Variants in CHST11 observed in about 807,000 individuals in gnomAD.
The protein encoded by CHST11 is carbohydrate sulfotransferase 11.
A neutral mutation model predicts 30.4 loss-of-function variants in CHST11; 9 were observed. The observed-to-expected ratio is 0.30, with a 90% CI of 0.18 to 0.52. The LOEUF (loss-of-function observed/expected upper bound fraction) is 0.52. Ranked by LOEUF, CHST11 falls within the 20% of genes least tolerant of loss-of-function variation. The pLI is 0.97. For synonymous variants in CHST11, 152 were observed against 187.8 expected, an observed-to-expected ratio of 0.81 and a Z score of 1.56; for missense variants, 348 against 460.6, an observed-to-expected ratio of 0.76 and a Z score of 2.24.
At chr12:104,744,862 TTTATTTATTTATTTA>T (rs1323268153) in intron 2 of CHST11, among the ~76,000 whole-genome samples, 2 of 150,854 alleles carry the variant, frequency 1.3e-5, no homozygotes, top group Non-Finnish European at 3.0e-5. Context: ...TATTTATTTA[TTTATTTATTTATTTA>T]TTTATTTATT....
chr12:104,519,617 C>A (rs1014836689), intron 1 of CHST11, among the ~76,000 whole-genome samples: 1 of 152,160 alleles, frequency 6.6e-6, no homozygotes, highest in African/African-American at 2.4e-5. Flanking sequence ...CTTTAGTAAC[C>A]ACCTCCCTGC....
chr12:104,657,771 G>C (rs1485509734), intron 2 of CHST11, among the ~76,000 whole-genome samples: 1 of 152,170 alleles, frequency 6.6e-6, no homozygotes, highest in African/African-American at 2.4e-5. Flanking sequence ...GACTCCGATG[G>C]CTGGACTTGC....
chr12:104,623,556 C>A (rs923020398), intron 2 of CHST11, among the ~76,000 whole-genome samples: 1 of 152,026 alleles, frequency 6.6e-6, no homozygotes, highest in African/African-American at 2.4e-5. Context: ...ACTAAAAATA[C>A]AAAATTAGCC....
chr12:104,724,602 A>G (rs2040202909), intron 2 of CHST11, among the ~76,000 whole-genome samples: 1 of 151,996 alleles, frequency 6.6e-6, no homozygotes, highest in Non-Finnish European at 1.5e-5. Context: ...GAGGCAAAGA[A>G]ACTTGTCCTC....
At position 104,489,400 on chromosome 12, in the gene CHST11, A is replaced by G. The variant is rs151102406; in HGVS notation, c.118+31871A>G. Among the ~76,000 whole-genome samples, 83 of 152,006 alleles carry G rather than the reference A, an allele frequency of 5.5e-4. 1 individual carries two copies. The highest frequency in any genetic ancestry group is 4.2e-3 in the Admixed American group (64 of 15,246). ...AGGGTCCATCCACTGTTTTGACTTA[A>G]TTACCTCTTTAAAGGCCCTGTTTCC... is the stretch of plus-strand genomic sequence containing the variant. On this transcript the variant is annotated intron_variant, in intron 1 of 2. Coordinates refer to ENST00000303694, the MANE Select transcript of CHST11 (RefSeq NM_018413.6).
In CHST11 at chr12:104,729,884, G is replaced by A. The variant is rs753761079; in HGVS notation, c.205-27065G>A. ...AAGGTCCACCAGGTGGGAGGGCAAG[G>A]CCTCCTCCTCTGGCCGTGCGTGTCT... On this transcript the variant is annotated intron_variant, in intron 2 of 2. Coordinates refer to ENST00000303694, the MANE Select transcript of CHST11 (RefSeq NM_018413.6). This position sits in a 1 kb window ranked among gnomAD's most constrained non-coding sequence, Gnocchi z 4.0. 8.5e-5 allele frequency among the ~76,000 whole-genome samples: 13 copies of A among 152,312 alleles called. No individual in the cohort carries two copies. Among genetic ancestry groups the A allele is most frequent in the Middle Eastern group, 3.4e-3 (1 of 294 alleles).
rs565172208 is a variant in CHST11, at chr12:104,741,227, G to A, written c.205-15722G>A. On this transcript the variant is annotated intron_variant, in intron 2 of 2. Transcript: ENST00000303694. ...AGGTAAAGGTGGTGGAAATGGCTCC[G>A]TTGGGGCCCCAGGCTTGGTGGTGGT... Among the ~76,000 whole-genome samples, 19 of 152,300 alleles carry A rather than the reference G, an allele frequency of 1.2e-4. No individual in the cohort carries two copies. In the South Asian group the frequency reaches 3.1e-3, roughly 25 times the overall value.
chr12:104,513,145 T>TGGGGGG (rs1565969854), intron 1 of CHST11, among the ~76,000 whole-genome samples: 1 of 7,618 alleles, frequency 1.3e-4, no homozygotes, highest in African/African-American at 6.7e-4. Context: ...GGGTTGGGGG[T>TGGGGGG]GGGGAGGGAG....
intron 1 of CHST11, among the ~76,000 whole-genome samples, chr12:104,577,040 G>A (rs932365543): frequency 6.6e-6 from 1 of 151,928 alleles, no homozygotes; most frequent in South Asian, 2.1e-4. Context: ...CTCCAGAGGG[G>A]TGGAAATGAC....
At chr12:104,614,538 T>G (rs1383365163) in intron 2 of CHST11, among the ~76,000 whole-genome samples, 1 of 152,086 alleles carries the variant, frequency 6.6e-6, no homozygotes, top group Non-Finnish European at 1.5e-5. Context: ...TTTTTTTTGA[T>G]TAAAAAAATT....
At chr12:104,486,469 A>C (rs2037680205) in intron 1 of CHST11, among the ~76,000 whole-genome samples, 1 of 152,148 alleles carries the variant, frequency 6.6e-6, no homozygotes, top group Non-Finnish European at 1.5e-5. Context: ...TTGGTGACAC[A>C]GTGTGGCTGG....
intron 1 of CHST11, among the ~76,000 whole-genome samples, chr12:104,530,011 T>C (rs2038166186): frequency 6.6e-6 from 1 of 151,832 alleles, no homozygotes; most frequent in African/African-American, 2.4e-5. Flanking sequence ...TACAAAAAAT[T>C]AGCTAGGCAT....
chr12:104,493,008 G>A (rs1174181085), intron 1 of CHST11, among the ~76,000 whole-genome samples: 1 of 152,040 alleles, frequency 6.6e-6, no homozygotes, highest in Admixed American at 6.5e-5. Context: ...ACTCCAGCCT[G>A]GGCAACAGAG....
At chr12:104,480,769 A>G (rs1047964138) in intron 1 of CHST11, among the ~76,000 whole-genome samples, 3 of 152,142 alleles carry the variant, frequency 2.0e-5, no homozygotes, top group Non-Finnish European at 4.4e-5. Context: ...AAGCTGGAAG[A>G]AACAAGAAAG....
intron 1 of CHST11, among the ~76,000 whole-genome samples, chr12:104,472,542 G>A (rs1320073788): frequency 6.6e-6 from 1 of 152,158 alleles, no homozygotes; most frequent in Non-Finnish European, 1.5e-5. Flanking sequence ...ACTGTTACTA[G>A]CTCCATTCTA....
chr12:104,732,950 G>A (rs548930727), intron 2 of CHST11, among the ~76,000 whole-genome samples: 10 of 152,366 alleles, frequency 6.6e-5, no homozygotes, highest in South Asian at 4.1e-4. Context: ...CAAAGAGGGC[G>A]TCAGCCCTGT....
intron 1 of CHST11, among the ~76,000 whole-genome samples, chr12:104,511,755 C>A (rs2037968232): frequency 6.6e-6 from 1 of 152,140 alleles, no homozygotes; most frequent in African/African-American, 2.4e-5. Context: ...CTATCACTTT[C>A]CTTATTAGGG....
intron 2 of CHST11, among the ~76,000 whole-genome samples, chr12:104,741,178 G>T (rs1190840767): frequency 1.3e-5 from 2 of 152,238 alleles, no homozygotes; most frequent in Non-Finnish European, 2.9e-5. Flanking sequence ...GATCAGGATG[G>T]AGCAGGTTGA....
intron 1 of CHST11, among the ~76,000 whole-genome samples, chr12:104,515,648 G>GT (rs1157598487): frequency 6.6e-6 from 1 of 152,184 alleles, no homozygotes; most frequent in African/African-American, 2.4e-5. Flanking sequence ...AGTCTAGGGG[G>GT]AGGAGTAAGA....
Sources: gnomAD v4.1 joint callset for allele counts (sites outside exome capture counted in the v4.1 genomes callset) on GRCh38, gnomAD v4.1.1 for gene constraint, Gnocchi (gnomAD v3.1) non-coding constraint, MANE v1.5 for transcripts, NCBI Gene and HGNC (gene_info 2026-07-23, HGNC 2026-07-21) for gene names.